Variants in ZBTB10 observed in about 807,000 individuals in gnomAD.
ZBTB10 encodes zinc finger and BTB domain containing 10, also known as zinc finger and BTB domain-containing protein 10.
ZBTB10 carries 32 observed loss-of-function variants against 76.4 expected under a neutral mutation model. That is an observed-to-expected ratio of 0.42 (90% confidence interval 0.32 to 0.56). The LOEUF (loss-of-function observed/expected upper bound fraction) is 0.56. Ranked by LOEUF, ZBTB10 falls within the 20% of genes least tolerant of loss-of-function variation. The pLI is 0.14. For synonymous variants in ZBTB10, 523 were observed against 432.9 expected (o/e 1.21, Z -2.58); for missense variants, 1,057 against 1,098.5 (o/e 0.96, Z 0.53).
chr8:80,503,523 TTATG>T (rs1815976567), intron 2 of ZBTB10, among the ~76,000 whole-genome samples: 1 of 151,914 alleles, frequency 6.6e-6, no homozygotes, highest in African/African-American at 2.4e-5. Context: ...ATTTATTTAT[TTATG>T]TTTTTTGAGA....
chr8:80,492,986 G>T (rs934349329), intron 1 of ZBTB10, among the ~76,000 whole-genome samples: 12 of 151,732 alleles, frequency 7.9e-5, no homozygotes, highest in Non-Finnish European at 1.3e-4. Flanking sequence ...GGCCGAGGTG[G>T]GTGGATCACT....
rs1466733852 is a variant in ZBTB10 at position 80,486,421 on chromosome 8, C to CGG, written c.-389_-388dup. On this transcript the variant is annotated 5_prime_UTR_variant, in exon 1 of 6. Transcript: ENST00000455036. ...TGTGGAGGATCGGTGTGTGCGCGCGCGGCTTTAAAGAGGGGGCAGCGGAGG... is the reference window on the plus strand; with the variant it reads ...TGTGGAGGATCGGTGTGTGCGCGCGCGGGGCTTTAAAGAGGGGGCAGCGGAGG... 2 of 983,472 alleles carry CGG rather than the reference C, an allele frequency of 2.0e-6. No individual in the cohort carries two copies. Among genetic ancestry groups the CGG allele is most frequent in the Non-Finnish European group, 2.4e-6 (2 of 829,498 alleles). 60.9% of individuals were successfully genotyped at this position (983,472 alleles called of 1,614,324 possible). A position where few individuals can be genotyped will look rare whatever the true frequency, so the allele number is the denominator to read the frequency against.
rs777090340 is a variant in ZBTB10 at position 80,513,928 on chromosome 8, T to C, written c.1880T>C (p.Leu627Pro). 1 of 1,613,552 alleles carries C rather than the reference T, an allele frequency of 6.2e-7. No homozygotes were observed. Among genetic ancestry groups the C allele is most frequent in the Non-Finnish European group, 8.5e-7 (1 of 1,179,636 alleles). Reference sequence around the variant, plus strand: ...TTTTCAGATTTAGATGGTGCTCTACTCTCGGGGCCAGATGGTGATAGGAAT... The same window carrying C: ...TTTTCAGATTTAGATGGTGCTCTACCCTCGGGGCCAGATGGTGATAGGAAT... ...KEEPDLDGALLSGPDGDRNVN... is the reference protein window; with the variant it reads ...KEEPDLDGALPSGPDGDRNVN... The change falls in exon 3 of 6, where the codon CTC becomes CCC. Residue 627 changes from leucine (L) to proline (P), a missense_variant. Leu to Pro is a moderately conservative substitution (Grantham distance 98). Transcript: ENST00000455036.
At chr8:80,497,543 G>C (rs577064862) in intron 1 of ZBTB10, among the ~76,000 whole-genome samples, 1 of 151,980 alleles carries the variant, frequency 6.6e-6, no homozygotes, top group South Asian at 2.1e-4. Context: ...GGTATGGGAA[G>C]GTTGCCAAGG....
intron 3 of ZBTB10, among the ~76,000 whole-genome samples, chr8:80,517,495 T>C (rs1816353182): frequency 6.6e-6 from 1 of 152,236 alleles, no homozygotes; most frequent in Non-Finnish European, 1.5e-5. Flanking sequence ...CTGCACGTTA[T>C]TTTATTTAAG....
In ZBTB10 at chr8:80,487,406, C is replaced by T. The variant is rs1451487290; in HGVS notation, c.596C>T (p.Ala199Val). 1.3e-6 allele frequency: 2 copies of T among 1,537,210 alleles called. No individual in the cohort carries two copies. Among genetic ancestry groups the T allele is most frequent in the Admixed American group, 2.0e-5 (1 of 50,236 alleles). The change falls in exon 1 of 6, where the codon GCG becomes GTG. Residue 199 changes from alanine to valine, a missense_variant. Coordinates refer to ENST00000455036, the MANE Select transcript of ZBTB10 (RefSeq NM_001105539.3). ...EGASLGDGSG[A>V]EGGSCSSSRR... ...GCGAGCCTGGGCGACGGCAGCGGGG[C>T]GGAAGGCGGCAGCTGCAGCAGCAGC...
chr8:80,525,919 C>T lies in ZBTB10; in HGVS notation c.*6391C>T, dbSNP rs545452683. Reference sequence around the variant, plus strand: ...ATTTTGTGTTGCCAAGCATATGATACGTGGTGTCACACTGAGCCTTTGGGA... The same window carrying T: ...ATTTTGTGTTGCCAAGCATATGATATGTGGTGTCACACTGAGCCTTTGGGA... On this transcript the variant is annotated 3_prime_UTR_variant, in exon 6 of 6. Transcript: ENST00000455036. The T allele has an allele frequency of 2.0e-5, 3 of 152,208 alleles. No homozygotes were observed. The highest frequency in any genetic ancestry group is 1.3e-4 in the Admixed American group (2 of 15,274). 9.4% of individuals were successfully genotyped at this position (152,208 alleles called of 1,614,324 possible).
intron 2 of ZBTB10, among the ~76,000 whole-genome samples, chr8:80,508,133 C>T (rs993227113): frequency 6.6e-6 from 1 of 152,132 alleles, no homozygotes; most frequent in Non-Finnish European, 1.5e-5. Flanking sequence ...GTTAGAAACT[C>T]TTTAAGTGGT....
Position 80,487,434 on chromosome 8 carries a change from G to T in ZBTB10, c.624G>T (p.Arg208Ser), listed in dbSNP as rs1333475595. Residue 208 changes from arginine to serine, a missense_variant, in exon 1 of 6, where the codon AGG becomes AGT. Arg to Ser is a moderately radical substitution (Grantham distance 110). This residue lies in a region of ZBTB10 where 556 missense variants were observed against 451.7 expected (regional missense o/e 1.23). Transcript: ENST00000455036. ...AAGGCGGCAGCTGCAGCAGCAGCAG[G>T]CGGTCGGGCGGCGATGGCGGGGACG... Reference protein sequence around the residue: ...GAEGGSCSSSRRSGGDGGDEV... With the variant: ...GAEGGSCSSSSRSGGDGGDEV... The T allele has an allele frequency of 1.3e-6, 2 of 1,544,768 alleles. No individual in the cohort carries two copies. Among genetic ancestry groups the T allele is most frequent in the Non-Finnish European group, 1.8e-6 (2 of 1,142,258 alleles).
chr8:80,497,929 G>A (rs1815828432), intron 1 of ZBTB10, among the ~76,000 whole-genome samples: 1 of 152,004 alleles, frequency 6.6e-6, no homozygotes, highest in Non-Finnish European at 1.5e-5. Context: ...TTTCAGTGCT[G>A]GGATTACAGG....
chr8:80,515,785 C>G (rs138072864), intron 3 of ZBTB10, among the ~76,000 whole-genome samples: 8 of 152,148 alleles, frequency 5.3e-5, no homozygotes, highest in African/African-American at 1.9e-4. Flanking sequence ...CCTTAGTTTT[C>G]TATTGTGGAA....
intron 2 of ZBTB10, among the ~76,000 whole-genome samples, chr8:80,503,468 C>G (rs1339078253): frequency 6.6e-6 from 1 of 151,936 alleles, no homozygotes; most frequent in African/African-American, 2.4e-5. Flanking sequence ...CTATAACTTC[C>G]TAATTCTGTC....
At chr8:80,491,385 C>CA (rs902486452) in intron 1 of ZBTB10, among the ~76,000 whole-genome samples, 1 of 152,132 alleles carries the variant, frequency 6.6e-6, no homozygotes, top group Non-Finnish European at 1.5e-5. Flanking sequence ...GGCACAGTGA[C>CA]AAAATCGATG....
intron 2 of ZBTB10, among the ~76,000 whole-genome samples, chr8:80,501,385 G>C (rs1815920616): frequency 6.6e-6 from 1 of 151,846 alleles, no homozygotes; most frequent in Admixed American, 6.5e-5. Flanking sequence ...TAATCTGGCT[G>C]TGCATATCTT....
intron 2 of ZBTB10, among the ~76,000 whole-genome samples, chr8:80,513,521 C>T (rs530289724): frequency 1.3e-5 from 2 of 152,204 alleles, no homozygotes; most frequent in Non-Finnish European, 2.9e-5. Flanking sequence ...CTAGTACTTA[C>T]TAGTTAGTAC....
rs562558730 is a variant in ZBTB10 at position 80,520,622 on chromosome 8, A to T, written c.*1094A>T. On this transcript the variant is annotated 3_prime_UTR_variant, in exon 6 of 6. Coordinates refer to ENST00000455036, the MANE Select transcript of ZBTB10 (RefSeq NM_001105539.3). ...CAAAATGTGCATTCTCTTTTGTTTC[A>T]TACTTAGCGGGATATTGATTGTTTT... 1 of 152,334 alleles carries T rather than the reference A, an allele frequency of 6.6e-6. No homozygotes were observed. The highest frequency in any genetic ancestry group is 2.1e-4 in the South Asian group (1 of 4,824). The allele number at this position is 152,334 out of a possible 1,614,324, so 9.4% of individuals were successfully genotyped here.
chr8:80,498,001 C>T (rs2131487227), intron 1 of ZBTB10, among the ~76,000 whole-genome samples: 1 of 152,210 alleles, frequency 6.6e-6, no homozygotes, highest in South Asian at 2.1e-4. Flanking sequence ...GTTGACTTCT[C>T]ATACCTGGGA....
At chr8:80,501,917 A>T (rs1815935308) in intron 2 of ZBTB10, among the ~76,000 whole-genome samples, 1 of 152,230 alleles carries the variant, frequency 6.6e-6, no homozygotes, top group South Asian at 2.1e-4. Context: ...TGCTGTATGG[A>T]TTATTTCTGT....
intron 3 of ZBTB10, 91 bp downstream of exon 3, chr8:80,514,099 G>C: frequency 8.5e-7 from 1 of 1,172,940 alleles, no homozygotes; most frequent in South Asian, 1.3e-5. Flanking sequence ...CTTCCATAAG[G>C]GGGTTCTATT....
Sources: gnomAD v4.1 joint callset for allele counts (sites outside exome capture counted in the v4.1 genomes callset) on GRCh38, gnomAD v4.1.1 for gene constraint, gnomAD v4.1.1 regional missense constraint, MANE v1.5 for transcripts, NCBI Gene and HGNC (gene_info 2026-07-23, HGNC 2026-07-21) for gene names.